Variants in SRSF10 observed in about 807,000 individuals in gnomAD.
SRSF10 encodes the protein serine and arginine rich splicing factor 10, also known as serine/arginine-rich splicing factor 10.
SRSF10 carries 9 observed loss-of-function variants against 32.6 expected under a neutral mutation model. That is an observed-to-expected ratio of 0.28 (90% confidence interval 0.17 to 0.48). The LOEUF is 0.48. SRSF10 is among the 20% of genes least tolerant of loss of function. The pLI is 0.99. For missense variants in SRSF10, 201 were observed against 331.8 expected (o/e 0.61, Z 3.06); for synonymous variants, 105 against 112.4 (o/e 0.93, Z 0.42).
At chr1:23,979,294 T>C (rs201651120) in intron 1 of SRSF10, among the ~76,000 whole-genome samples, 1 of 55,212 alleles carries the variant, frequency 1.8e-5, no homozygotes, top group African/African-American at 3.9e-5. Context: ...GAAAGAATTA[T>C]TTATGGAAAG....
Position 23,965,565 on chromosome 1 carries a change from G to C in SRSF10, c.*5577C>G, listed in dbSNP as rs1641411426. The stretch of plus-strand genomic sequence containing the variant: ...TGGGAATAATACCCATTTCCCAGGA[G>C]TGTTTTTAGGATTAAATAGAAATAT... On this transcript the variant is annotated 3_prime_UTR_variant, in exon 6 of 6. Transcript: ENST00000492112. 1 of 151,964 alleles carries C rather than the reference G, an allele frequency of 6.6e-6. No homozygotes were observed. The highest frequency in any genetic ancestry group is 1.5e-5 in the Non-Finnish European group (1 of 67,852). 9.4% of individuals were successfully genotyped at this position (151,964 alleles called of 1,614,324 possible). A position where few individuals can be genotyped will look rare whatever the true frequency, so the allele number is the denominator to read the frequency against.
intron 3 of SRSF10, among the ~76,000 whole-genome samples, chr1:23,974,332 A>C (rs1641953545): frequency 6.6e-6 from 1 of 152,168 alleles, no homozygotes; most frequent in Admixed American, 6.5e-5. Flanking sequence ...ATTCACACAC[A>C]GGTCTTTTTG....
intron 3 of SRSF10, among the ~76,000 whole-genome samples, chr1:23,974,627 G>C (rs942605497): frequency 2.0e-5 from 3 of 152,114 alleles, no homozygotes; most frequent in Non-Finnish European, 4.4e-5. Context: ...TGGGGAGTTC[G>C]AGACCGGCCT....
chr1:23,972,746 G>A (rs1239037508), intron 3 of SRSF10, among the ~76,000 whole-genome samples: 23 of 14,440 alleles, frequency 1.6e-3, no homozygotes, highest in Non-Finnish European at 1.5e-4. Flanking sequence ...CCAGCCTGGA[G>A]TCTTTTTTTT....
chr1:23,973,976 C>T (rs1478403305), intron 3 of SRSF10, among the ~76,000 whole-genome samples: 1 of 147,212 alleles, frequency 6.8e-6, no homozygotes, highest in Admixed American at 6.9e-5. Context: ...AAGAGCTCCT[C>T]CTCTCCTCAG....
intron 2 of SRSF10, 146 bp downstream of exon 2, chr1:23,978,567 T>G (rs1642222472): frequency 1.4e-5 from 14 of 1,032,758 alleles, no homozygotes; most frequent in Non-Finnish European, 1.7e-5. Flanking sequence ...GAGAGCAATG[T>G]GTGAGTCAGA....
rs1570764894 is a variant in SRSF10 at position 23,969,370 on chromosome 1, T to G, written c.*1772A>C. 1.0e-6 allele frequency: 1 copy of G among 985,558 alleles called. No individual in the cohort carries two copies. The allele number at this position is 985,558 out of a possible 1,614,324, so 61.1% of individuals were successfully genotyped here. On this transcript the variant is annotated 3_prime_UTR_variant, in exon 6 of 6. Transcript: ENST00000492112. ...AAAATCTAAAAAAATTAAAGAAACG[T>G]GCATATAAACGATTGCATAGCAGAA...
chr1:23,969,156 A>T lies in SRSF10; in HGVS notation c.*1986T>A. The T allele has an allele frequency of 1.0e-6, 1 of 985,614 alleles. No individual in the cohort carries two copies. Among genetic ancestry groups the T allele is most frequent in the Non-Finnish European group, 1.2e-6 (1 of 829,696 alleles). 61.1% of individuals were successfully genotyped at this position (985,614 alleles called of 1,614,324 possible). Reference sequence around the variant, plus strand: ...AGAAAATAAGCTGGGTCTTGTTTTGATCCAAACATTGATGTTTTAAAGGTT... The same window carrying T: ...AGAAAATAAGCTGGGTCTTGTTTTGTTCCAAACATTGATGTTTTAAAGGTT... On this transcript the variant is annotated 3_prime_UTR_variant, in exon 6 of 6. Transcript: ENST00000492112.
chr1:23,974,759 G>A (rs781526194), intron 3 of SRSF10, among the ~76,000 whole-genome samples: 28 of 151,810 alleles, frequency 1.8e-4, no homozygotes, highest in Non-Finnish European at 2.9e-4. Context: ...AACCCGGGAG[G>A]TGGTGGTTGC....
At chr1:23,972,548 T>C (rs867989099) in intron 3 of SRSF10, among the ~76,000 whole-genome samples, 2 of 151,864 alleles carry the variant, frequency 1.3e-5, no homozygotes, top group African/African-American at 4.8e-5. Context: ...GTTGAAGCCA[T>C]TCTCCTGCCT....
At chr1:23,978,189 ACTTGC>A in intron 2 of SRSF10, 1 of 984,622 alleles carries the variant, frequency 1.0e-6, no homozygotes, top group African/African-American at 1.8e-5. Flanking sequence ...TGGCTTGTCT[ACTTGC>A]CTTAAGTGTT....
intron 2 of SRSF10, chr1:23,976,192 C>T (rs1191627806): frequency 2.1e-5 from 3 of 144,828 alleles, no homozygotes; most frequent in African/African-American, 4.8e-5. Context: ...ATTTGAGAGA[C>T]AACACAAGAC....
chr1:23,972,093 T>A, intron 3 of SRSF10, 81 bp from the exon 4 acceptor site: 1 of 1,261,690 alleles, frequency 7.9e-7, no homozygotes, highest in African/African-American at 1.6e-5. Flanking sequence ...AAAAAATCCC[T>A]GCATCCCCTC....
rs1436041218 is a variant in SRSF10, at chr1:23,969,672, T to C, written c.*1470A>G. The C allele has an allele frequency of 2.4e-5, 24 of 985,224 alleles. No homozygotes were observed. The highest frequency in any genetic ancestry group is 2.9e-5 in the Non-Finnish European group (24 of 829,706). The allele number at this position is 985,224 out of a possible 1,614,324, so 61.0% of individuals were successfully genotyped here. A position where few individuals can be genotyped will look rare whatever the true frequency, so the allele number is the denominator to read the frequency against. The stretch of plus-strand genomic sequence containing the variant: ...TTTTATTCTGAAATGAAATTGGACA[T>C]GTCAAGTCACTTTTGTCCCCAAAAC... On this transcript the variant is annotated 3_prime_UTR_variant, in exon 6 of 6. Coordinates refer to ENST00000492112, the MANE Select transcript of SRSF10 (RefSeq NM_054016.4).
rs1435259764 is a variant in SRSF10 at position 23,970,545 on chromosome 1, G to C, written c.*597C>G. ...CCGGATAATTTTTGTATTTTTAGTA[G>C]AGACGGGGTTTCACCGTGTTGGTCA... On this transcript the variant is annotated 3_prime_UTR_variant, in exon 6 of 6. Coordinates refer to ENST00000492112, the MANE Select transcript of SRSF10 (RefSeq NM_054016.4). 2 of 551,732 alleles carry C rather than the reference G, an allele frequency of 3.6e-6. No individual in the cohort carries two copies. Among genetic ancestry groups the C allele is most frequent in the Non-Finnish European group, 4.6e-6 (2 of 434,518 alleles). The allele number at this position is 551,732 out of a possible 1,614,324, so 34.2% of individuals were successfully genotyped here. A position where few individuals can be genotyped will look rare whatever the true frequency, so the allele number is the denominator to read the frequency against.
chr1:23,972,921 G>T (rs1641860418), intron 3 of SRSF10, among the ~76,000 whole-genome samples: 1 of 152,120 alleles, frequency 6.6e-6, no homozygotes, highest in South Asian at 2.1e-4. Flanking sequence ...CGTATTTTTA[G>T]TGCAGACAGG....
chr1:23,976,896 T>C (rs1057469956), intron 2 of SRSF10: 2 of 152,230 alleles, frequency 1.3e-5, no homozygotes, highest in East Asian at 1.9e-4. Context: ...TTACTGAATA[T>C]GTATTTTAAA....
chr1:23,971,023 G>A lies in SRSF10; in HGVS notation c.*119C>T. The A allele has an allele frequency of 8.0e-6, 12 of 1,497,664 alleles. No homozygotes were observed. The highest frequency in any genetic ancestry group is 1.4e-5 in the South Asian group (1 of 70,264). The allele number at this position is 1,497,664 out of a possible 1,614,324, so 92.8% of individuals were successfully genotyped here. On this transcript the variant is annotated 3_prime_UTR_variant, in exon 6 of 6. Coordinates refer to ENST00000492112, the MANE Select transcript of SRSF10 (RefSeq NM_054016.4). Reference sequence around the variant, plus strand: ...TTAATTATAACCATTGCCTGGTACAGGGAAAACTAACAAGTGTTTTTTAAG... The same window carrying A: ...TTAATTATAACCATTGCCTGGTACAAGGAAAACTAACAAGTGTTTTTTAAG...
In SRSF10 at chr1:23,980,317, G is replaced by A. The variant is rs1363517806; in HGVS notation, c.-62C>T. ...TCAGCAAACCGTCCGCGGCTCAGGCGGCCGAGCCTCAGACACACACAGCTA... is the reference window on the plus strand; with the variant it reads ...TCAGCAAACCGTCCGCGGCTCAGGCAGCCGAGCCTCAGACACACACAGCTA... On this transcript the variant is annotated 5_prime_UTR_variant, in exon 1 of 6. Coordinates refer to ENST00000492112, the MANE Select transcript of SRSF10 (RefSeq NM_054016.4). 1.5e-6 allele frequency: 2 copies of A among 1,374,394 alleles called. No individual in the cohort carries two copies. The highest frequency in any genetic ancestry group is 1.9e-6 in the Non-Finnish European group (2 of 1,054,488). 85.1% of individuals were successfully genotyped at this position (1,374,394 alleles called of 1,614,324 possible).
Sources: allele counts gnomAD v4.1 joint callset (sites outside exome capture counted in the v4.1 genomes callset), GRCh38; gene constraint gnomAD v4.1.1; transcripts MANE v1.5; gene names NCBI Gene and HGNC (gene_info 2026-07-23, HGNC 2026-07-21).